FAT2: variants seen among roughly 807,000 people sequenced by gnomAD.
The protein encoded by FAT2 is protocadherin Fat 2.
FAT2 carries 150 observed loss-of-function variants against 295.3 expected under a neutral mutation model. That is an observed-to-expected ratio of 0.51 (90% CI 0.44 to 0.58). FAT2 has a LOEUF of 0.58. FAT2 is among the 20% of genes least tolerant of loss of function. The pLI is 0.00. For synonymous variants in FAT2, 2,026 were observed against 2,150.3 expected, an observed-to-expected ratio of 0.94 and a Z score of 1.60; for missense variants, 4,868 against 5,442.7, an observed-to-expected ratio of 0.89 and a Z score of 3.32.
At chr5:151,589,415 T>A (rs771422857) in intron 1 of FAT2, among the ~76,000 whole-genome samples, 3 of 152,190 alleles carry the variant, frequency 2.0e-5, no homozygotes, top group Non-Finnish European at 2.9e-5. Flanking sequence ...AAGCTGAGCA[T>A]CAGGCTAGCT....
Position 151,543,073 on chromosome 5 carries a change from T to C in FAT2, c.8054A>G (p.Lys2685Arg). Residue 2685 changes from lysine to arginine, a missense_variant, in exon 10 of 24, where the codon AAA becomes AGA. Lys to Arg is a conservative substitution (Grantham distance 26). This residue lies in a region of FAT2 where 3,297 missense variants were observed against 3,669.4 expected (regional missense o/e 0.90). Coordinates refer to ENST00000261800, the MANE Select transcript of FAT2 (RefSeq NM_001447.3). ...VPVRLQVVPK[K>R]VSLPKFSEPL... ...TTCAGAAAATTTCGGTAAGGATACT[T>C]TTTTAGGAACCACCTGAAGTCGTAC... 2 of 1,614,146 alleles carry C rather than the reference T, an allele frequency of 1.2e-6. No individual in the cohort carries two copies. The highest frequency in any genetic ancestry group is 1.7e-6 in the Non-Finnish European group (2 of 1,180,022).
In FAT2 at chr5:151,543,134, C is replaced by T. The variant is rs2127606897; in HGVS notation, c.7993G>A (p.Asp2665Asn). Residue 2665 changes from aspartate to asparagine, a missense_variant, in exon 10 of 24, where the codon GAT becomes AAT. This residue lies in a region of FAT2 where 3,297 missense variants were observed against 3,669.4 expected (regional missense o/e 0.90). Transcript: ENST00000261800. The stretch of plus-strand genomic sequence containing the variant: ...GAGTTCCAGTGAGGAGGGCCTCCAT[C>T]TTGGGCTTTGATGAAGAAGTCAAGG... ...QTLDFFIKAQ[D>N]GGPPHWNSLV... 1 of 1,614,216 alleles carries T rather than the reference C, an allele frequency of 6.2e-7. No individual in the cohort carries two copies. Among genetic ancestry groups the T allele is most frequent in the South Asian group, 1.1e-5 (1 of 91,080 alleles).
In FAT2 at chr5:151,543,562, T is replaced by C; in HGVS notation, c.7565A>G (p.Asn2522Ser). Residue 2522 changes from asparagine to serine, a missense_variant, in exon 10 of 24, where the codon AAT becomes AGT. Coordinates refer to ENST00000261800, the MANE Select transcript of FAT2 (RefSeq NM_001447.3). ...PYGTIDYTII[N>S]KLASEKFSIN... ...GGAGAACTTCTCACTTGCTAGTTTA[T>C]TGATGATAGTATAATCTATAGTGCC... 1.2e-6 allele frequency: 2 copies of C among 1,614,240 alleles called. No homozygotes were observed. The highest frequency in any genetic ancestry group is 1.7e-6 in the Non-Finnish European group (2 of 1,180,040).
upstream of FAT2, among the ~76,000 whole-genome samples, chr5:151,591,404 C>T (rs555230417): frequency 7.9e-4 from 120 of 152,298 alleles, 1 homozygote; most frequent in African/African-American, 2.8e-3. Flanking sequence ...CCTGCCAGCT[C>T]TCTGTCTCAC....
chr5:151,573,051 G>T (rs944922218), intron 1 of FAT2, among the ~76,000 whole-genome samples: 2 of 152,198 alleles, frequency 1.3e-5, no homozygotes, highest in African/African-American at 4.8e-5. Context: ...ACCTGGCCAT[G>T]AATGGACCCT....
intron 1 of FAT2, among the ~76,000 whole-genome samples, chr5:151,581,558 A>T (rs948167440): frequency 6.6e-6 from 1 of 152,212 alleles, no homozygotes; most frequent in African/African-American, 2.4e-5. Context: ...GCTGACATTT[A>T]TTGAACATTT....
In FAT2 at chr5:151,551,449, C is replaced by A. The variant is rs201407096; in HGVS notation, c.4296+18G>T. 2.7e-5 allele frequency: 44 copies of A among 1,612,956 alleles called. No homozygotes were observed. The East Asian group carries it at 9.8e-4, about 36-fold the overall frequency. On this transcript the variant is annotated intron_variant, in intron 7 of 23. Transcript: ENST00000261800. Reference sequence around the variant, plus strand: ...CCATCTCCTCTCAATACAGGGGTCCCCAGCCGAGGCCTCTAACCTGTGTGG... The same window carrying A: ...CCATCTCCTCTCAATACAGGGGTCCACAGCCGAGGCCTCTAACCTGTGTGG...
At chr5:151,522,333 A>G (rs951497969) in intron 18 of FAT2, among the ~76,000 whole-genome samples, 2 of 152,204 alleles carry the variant, frequency 1.3e-5, no homozygotes, top group African/African-American at 4.8e-5. Context: ...CAGTAAAACA[A>G]TGCAGTTTCC....
At chr5:151,536,062 A>C (rs1302297263) in intron 12 of FAT2, among the ~76,000 whole-genome samples, 5 of 152,186 alleles carry the variant, frequency 3.3e-5, no homozygotes, top group Admixed American at 6.5e-5. Flanking sequence ...AATTATATAG[A>C]GATTTTGGAG....
intron 20 of FAT2, among the ~76,000 whole-genome samples, chr5:151,513,280 A>G (rs1306618180): frequency 6.6e-6 from 1 of 152,242 alleles, no homozygotes. Flanking sequence ...AAAAATATAT[A>G]AAGACATACA....
At position 151,521,729 on chromosome 5, in the gene FAT2, C is replaced by G. The variant is rs758513297; in HGVS notation, c.10864G>C (p.Val3622Leu). ...TAGVHVYVWH[V>L]GQEALQQAMW... is the part of the protein sequence containing the mutation. The stretch of plus-strand genomic sequence containing the variant: ...GCCTGCTGCAGAGCCTCCTGCCCCA[C>G]ATGCCACACGTACACATGGACCCCA... Residue 3622 changes from valine (V) to leucine (L), a missense_variant, in exon 19 of 24, where the codon GTG (valine) becomes CTG (leucine). Transcript: ENST00000261800. The G allele has an allele frequency of 1.9e-6, 3 of 1,614,048 alleles. No homozygotes were observed. The highest frequency in any genetic ancestry group is 2.5e-6 in the Non-Finnish European group (3 of 1,180,028).
rs1314982292 is a variant in FAT2 at position 151,566,592 on chromosome 5, A to G, written c.2340T>C (p.Tyr780=). ...TGAGGATGTAGAAATTGGTGGCTTC[A>G]TAGTCCAAGGGAGCAGCTACAGTGA... ...GLLTVAAPLD[Y]EATNFYILNV... is the part of the protein sequence containing the mutation. The change falls in exon 2 of 24, where the codon TAT becomes TAC. Residue 780 remains tyrosine (Y), a synonymous_variant. Coordinates refer to ENST00000261800, the MANE Select transcript of FAT2 (RefSeq NM_001447.3). 1.9e-6 allele frequency: 3 copies of G among 1,614,202 alleles called. No homozygotes were observed. The highest frequency in any genetic ancestry group is 2.5e-6 in the Non-Finnish European group (3 of 1,180,032).
At chr5:151,560,968 G>A (rs3097780) in intron 3 of FAT2, among the ~76,000 whole-genome samples, 13,394 of 152,234 alleles carry the variant, frequency 0.088, 890 homozygotes, top group Admixed American at 0.21. Flanking sequence ...CTCAGGGAAC[G>A]TTGAAGTCTA....
chr5:151,504,280 T>C lies in FAT2; in HGVS notation c.*1285A>G, dbSNP rs1380584825. On this transcript the variant is annotated 3_prime_UTR_variant, in exon 24 of 24. Coordinates refer to ENST00000261800, the MANE Select transcript of FAT2 (RefSeq NM_001447.3). The stretch of plus-strand genomic sequence containing the variant: ...GGCTCCACTGCTCTTCCTTTTGACT[T>C]CTGTCTCCAGAAACAACACATATGA... 7.1e-6 allele frequency: 1 copy of C among 141,506 alleles called. No individual in the cohort carries two copies. The highest frequency in any genetic ancestry group is 1.9e-4 in the East Asian group (1 of 5,170). 8.8% of individuals were successfully genotyped at this position (141,506 alleles called of 1,614,324 possible). A position where few individuals can be genotyped will look rare whatever the true frequency, so the allele number is the denominator to read the frequency against.
In FAT2 at chr5:151,545,544, A is replaced by T; in HGVS notation, c.5583T>A (p.His1861Gln). 1 of 1,614,140 alleles carries T rather than the reference A, an allele frequency of 6.2e-7. No homozygotes were observed. The highest frequency in any genetic ancestry group is 8.5e-7 in the Non-Finnish European group (1 of 1,179,970). ...FAPRPAQVIIHVRDVNDSPPR... is the reference protein window; with the variant it reads ...FAPRPAQVIIQVRDVNDSPPR... ...GAGGGGAATCATTCACATCTCTGAC[A>T]TGAATGATGACTTGGGCAGGTCTGG... The change falls in exon 10 of 24, where the codon CAT (histidine) becomes CAA (glutamine). Residue 1861 changes from histidine (H) to glutamine (Q), a missense_variant. Physicochemically the swap from His to Gln is conservative, Grantham distance 24. Transcript: ENST00000261800.
In FAT2 at chr5:151,542,766, C is replaced by T. The variant is rs1756277632; in HGVS notation, c.8361G>A (p.Val2787=). 3 of 1,614,104 alleles carry T rather than the reference C, an allele frequency of 1.9e-6. No homozygotes were observed. Among genetic ancestry groups the T allele is most frequent in the Non-Finnish European group, 2.5e-6 (3 of 1,180,054 alleles). The change falls in exon 10 of 24, where the codon GTG becomes GTA. Residue 2787 remains valine (V), a synonymous_variant. Coordinates refer to ENST00000261800, the MANE Select transcript of FAT2 (RefSeq NM_001447.3). The part of the protein sequence containing the change: ...VVSLVSVNIQ[V]GDVNDNRPVF... ...CAGGCCTATTGTCATTGACGTCTCC[C>T]ACTTGGATGTTGACAGAGACCAAGG... is the stretch of plus-strand genomic sequence containing the variant.
rs1411584226 is a variant in FAT2 at position 151,540,636 on chromosome 5, C to A, written c.8970G>T (p.Lys2990Asn). 1.2e-6 allele frequency: 2 copies of A among 1,614,224 alleles called. No homozygotes were observed. Among genetic ancestry groups the A allele is most frequent in the Non-Finnish European group, 1.7e-6 (2 of 1,180,048 alleles). ...YLLRVTASDG[K>N]FQASVTVEIF... is the part of the protein sequence containing the mutation. ...TCTCCACAGTGACCGAAGCCTGGAA[C>A]TTGCCATCAGATGCTGTGACTCTGA... is the stretch of plus-strand genomic sequence containing the variant. Residue 2990 changes from lysine to asparagine, a missense_variant, in exon 11 of 24, where the codon AAG (lysine) becomes AAT (asparagine). Around this residue, in one of 5 missense-constraint regions of FAT2, gnomAD observed 9 missense variants for 27.4 expected, o/e 0.33. Coordinates refer to ENST00000261800, the MANE Select transcript of FAT2 (RefSeq NM_001447.3).
chr5:151,559,968 CA>C (rs1757951245), intron 3 of FAT2, among the ~76,000 whole-genome samples: 1 of 152,182 alleles, frequency 6.6e-6, no homozygotes, highest in African/African-American at 2.4e-5. Context: ...CAGTGGACTT[CA>C]CTCTTACCAT....
intron 9 of FAT2, among the ~76,000 whole-genome samples, chr5:151,548,895 A>G (rs962919182): frequency 9.2e-5 from 14 of 152,218 alleles, no homozygotes; most frequent in Non-Finnish European, 1.9e-4. Context: ...TAGATACTAA[A>G]TCACTGTGGA....
Sources: gnomAD v4.1 joint callset for allele counts (sites outside exome capture counted in the v4.1 genomes callset) on GRCh38, gnomAD v4.1.1 for gene constraint, gnomAD v4.1.1 regional missense constraint, MANE v1.5 for transcripts, NCBI Gene and HGNC (gene_info 2026-07-23, HGNC 2026-07-21) for gene names.